The following ARHGAP15 variants were observed in gnomAD, a reference collection of about 807,000 sequenced individuals.
ARHGAP15 encodes rho GTPase-activating protein 15.
ARHGAP15 carries 51 observed loss-of-function variants against 63.7 expected under a neutral mutation model. The ratio of observed to expected loss-of-function variants is 0.80; its 90% CI spans 0.64 to 1.01. ARHGAP15 has a LOEUF of 1.01. Among genes scored for constraint, ARHGAP15 ranks in the 50% least tolerant of loss-of-function variants. ARHGAP15 has a pLI of 0.00. For missense variants in ARHGAP15, 560 were observed against 564.6 expected (o/e 0.99, Z 0.08); for synonymous variants, 191 against 193.8 (o/e 0.99, Z 0.12).
chr2:143,751,963 T>G (rs1047807511), intron 13 of ARHGAP15, among the ~76,000 whole-genome samples: 9 of 152,188 alleles, frequency 5.9e-5, no homozygotes, highest in Admixed American at 2.0e-4. Context: ...AACAGTAGCT[T>G]AGAAGACAGT....
At chr2:143,374,980 C>T (rs1277436684) in intron 6 of ARHGAP15, among the ~76,000 whole-genome samples, 3 of 152,064 alleles carry the variant, frequency 2.0e-5, no homozygotes, top group African/African-American at 7.2e-5. Flanking sequence ...CACAGATTCA[C>T]TATGAGGGTG....
At chr2:143,754,849 G>A (rs1002328550) in intron 13 of ARHGAP15, among the ~76,000 whole-genome samples, 1 of 152,168 alleles carries the variant, frequency 6.6e-6, no homozygotes, top group Non-Finnish European at 1.5e-5. Flanking sequence ...CTGCAGCTCT[G>A]AGGCCTTTGG....
intron 6 of ARHGAP15, among the ~76,000 whole-genome samples, chr2:143,265,921 T>C (rs1175439309): frequency 6.6e-6 from 1 of 152,106 alleles, no homozygotes; most frequent in African/African-American, 2.4e-5. Flanking sequence ...AAATTTAAAG[T>C]TTCAATAAAA....
chr2:143,434,563 G>A (rs560906394), intron 6 of ARHGAP15, among the ~76,000 whole-genome samples: 8 of 152,158 alleles, frequency 5.3e-5, no homozygotes, highest in South Asian at 2.1e-4. Flanking sequence ...ACATTTCAGC[G>A]TTCACCTCCT....
At chr2:143,340,284 C>T (rs2105284171) in intron 6 of ARHGAP15, among the ~76,000 whole-genome samples, 1 of 152,004 alleles carries the variant, frequency 6.6e-6, no homozygotes. Flanking sequence ...CAGTAATAAA[C>T]CAGGCAAAGC....
chr2:143,359,709 C>A (rs993908039), intron 6 of ARHGAP15, among the ~76,000 whole-genome samples: 1 of 152,156 alleles, frequency 6.6e-6, no homozygotes, highest in East Asian at 1.9e-4. Flanking sequence ...TATCATAATA[C>A]ATTTGGGAAA....
intron 6 of ARHGAP15, among the ~76,000 whole-genome samples, chr2:143,339,181 T>G (rs1558904753): frequency 1.3e-5 from 2 of 152,158 alleles, no homozygotes; most frequent in Admixed American, 1.3e-4. Flanking sequence ...TTGCTGTGGT[T>G]GTTGACTGTA....
chr2:143,574,063 A>G (rs1214893451), intron 11 of ARHGAP15, among the ~76,000 whole-genome samples: 1 of 152,170 alleles, frequency 6.6e-6, no homozygotes, highest in Non-Finnish European at 1.5e-5. Context: ...GCCAAACGAA[A>G]TCACCTGTAT....
chr2:143,143,080 T>A (rs1689435428), intron 1 of ARHGAP15, among the ~76,000 whole-genome samples: 1 of 152,114 alleles, frequency 6.6e-6, no homozygotes, highest in South Asian at 2.1e-4. Flanking sequence ...TAGCACTCAA[T>A]TAACTGGAAC....
intron 10 of ARHGAP15, among the ~76,000 whole-genome samples, chr2:143,538,514 G>A (rs1404498625): frequency 6.6e-6 from 1 of 152,296 alleles, no homozygotes; most frequent in East Asian, 1.9e-4. Flanking sequence ...TTGGCTGTGG[G>A]TCTGTGATAG....
intron 11 of ARHGAP15, chr2:143,571,991 G>C (rs766852996): frequency 5.3e-5 from 8 of 152,176 alleles, no homozygotes; most frequent in Non-Finnish European, 7.3e-5. Context: ...ATCTCAACAG[G>C]AATTAGCTGC....
chr2:143,705,924 A>G (rs1023768761), intron 13 of ARHGAP15, among the ~76,000 whole-genome samples: 2 of 152,196 alleles, frequency 1.3e-5, no homozygotes, highest in Admixed American at 6.5e-5. Context: ...TTTACATCCC[A>G]GTTAATTTCC....
chr2:143,711,398 A>T (rs7565663), intron 13 of ARHGAP15, among the ~76,000 whole-genome samples: 2,387 of 152,318 alleles, frequency 0.016, 62 homozygotes, highest in African/African-American at 0.054. Flanking sequence ...AGGACATGAA[A>T]CAAGCTATCT....
chr2:143,265,129 G>A (rs1680924266), intron 6 of ARHGAP15, among the ~76,000 whole-genome samples: 1 of 152,094 alleles, frequency 6.6e-6, no homozygotes, highest in Admixed American at 6.5e-5. Flanking sequence ...GGAAAAAAAT[G>A]TCAGAAAATG....
intron 13 of ARHGAP15, among the ~76,000 whole-genome samples, chr2:143,721,932 C>T (rs977527675): frequency 1.3e-5 from 2 of 152,072 alleles, no homozygotes; most frequent in Admixed American, 6.5e-5. Context: ...GGCAATCCAC[C>T]GGCCTCGGCC....
chr2:143,211,410 A>G (rs1379385730), intron 3 of ARHGAP15, among the ~76,000 whole-genome samples: 2 of 152,126 alleles, frequency 1.3e-5, no homozygotes, highest in African/African-American at 4.8e-5. Context: ...AAAATAATGT[A>G]ACCAAATGTG....
At chr2:143,729,587 C>A (rs900709741) in intron 13 of ARHGAP15, among the ~76,000 whole-genome samples, 1 of 152,128 alleles carries the variant, frequency 6.6e-6, no homozygotes, top group South Asian at 2.1e-4. Context: ...CCCTGTAATG[C>A]TAGAAGCTGG....
At chr2:143,264,780 G>T (rs1379020529) in intron 6 of ARHGAP15, among the ~76,000 whole-genome samples, 1 of 151,970 alleles carries the variant, frequency 6.6e-6, no homozygotes, top group East Asian at 1.9e-4. Flanking sequence ...TACAAGAAAT[G>T]GTGACATATT....
At chr2:143,591,173 T>G (rs1697306696) in intron 11 of ARHGAP15, among the ~76,000 whole-genome samples, 1 of 152,202 alleles carries the variant, frequency 6.6e-6, no homozygotes, top group African/African-American at 2.4e-5. Flanking sequence ...GGTGCTTAAC[T>G]CACTATTCAC....
Sources: gnomAD v4.1 joint callset for allele counts (sites outside exome capture counted in the v4.1 genomes callset) on GRCh38, gnomAD v4.1.1 for gene constraint, MANE v1.5 for transcripts, NCBI Gene and HGNC (gene_info 2026-07-23, HGNC 2026-07-21) for gene names.